CCDC7: variants seen among roughly 807,000 people sequenced by gnomAD.
The protein encoded by CCDC7 is coiled-coil domain containing 7, also known as coiled-coil domain-containing protein 7.
Under a neutral mutation model 196.9 loss-of-function variants are expected in CCDC7, and 183 were observed. That is an observed-to-expected ratio of 0.93 (90% confidence interval 0.82 to 1.05). The LOEUF (loss-of-function observed/expected upper bound fraction) is 1.05. CCDC7 is among the 50% of genes least tolerant of loss of function. CCDC7 has a pLI of 0.00. For missense variants in CCDC7, 1,540 were observed against 1,482.2 expected (o/e 1.04, Z -0.64); for synonymous variants, 525 against 484.6 (o/e 1.08, Z -1.10).
intron 29 of CCDC7, among the ~76,000 whole-genome samples, chr10:32,802,169 C>T (rs1331964194): frequency 6.6e-6 from 1 of 152,164 alleles, no homozygotes; most frequent in Non-Finnish European, 1.5e-5. Context: ...GCTTCTAGAG[C>T]CGGGAGATAG....
chr10:32,739,124 G>T (rs1468963524), intron 28 of CCDC7, among the ~76,000 whole-genome samples: 1 of 151,808 alleles, frequency 6.6e-6, no homozygotes, highest in Non-Finnish European at 1.5e-5. Context: ...AGACATTTTT[G>T]CTATTGACCA....
chr10:32,592,735 C>T (rs1210758979), intron 18 of CCDC7, among the ~76,000 whole-genome samples: 1 of 152,066 alleles, frequency 6.6e-6, no homozygotes, highest in African/African-American at 2.4e-5. Context: ...GTGTGTGATG[C>T]TCCCCACCCT....
At chr10:32,612,175 G>A (rs938679613) in intron 18 of CCDC7, among the ~76,000 whole-genome samples, 12 of 152,080 alleles carry the variant, frequency 7.9e-5, no homozygotes, top group African/African-American at 2.4e-4. Context: ...TATTCTCTTT[G>A]TAGCAATTGT....
chr10:32,793,024 C>A (rs183807639), intron 29 of CCDC7, among the ~76,000 whole-genome samples: 3 of 152,256 alleles, frequency 2.0e-5, no homozygotes, highest in East Asian at 3.9e-4. Flanking sequence ...GGAATAAATT[C>A]TTCAATCCAG....
At chr10:32,685,609 A>G (rs1565132940) in intron 21 of CCDC7, among the ~76,000 whole-genome samples, 1 of 152,198 alleles carries the variant, frequency 6.6e-6, no homozygotes, top group East Asian at 1.9e-4. Flanking sequence ...TTGAACATTT[A>G]TGTGGTTTTG....
chr10:32,561,041 C>G (rs1235265119), intron 13 of CCDC7, among the ~76,000 whole-genome samples: 1 of 20,056 alleles, frequency 5.0e-5, no homozygotes, highest in Non-Finnish European at 3.7e-3. Flanking sequence ...ATAAAACAGA[C>G]TTTAAACCAC....
At chr10:32,607,171 C>G (rs191024018) in intron 18 of CCDC7, among the ~76,000 whole-genome samples, 2 of 152,258 alleles carry the variant, frequency 1.3e-5, no homozygotes, top group Non-Finnish European at 2.9e-5. Flanking sequence ...ACTGGCTCCC[C>G]CTTTGCCCTC....
chr10:32,586,806 T>A (rs1305496534), intron 18 of CCDC7, among the ~76,000 whole-genome samples: 1 of 152,108 alleles, frequency 6.6e-6, no homozygotes, highest in Non-Finnish European at 1.5e-5. Context: ...AGTCAGGTAG[T>A]GTGATGCCTC....
intron 20 of CCDC7, among the ~76,000 whole-genome samples, chr10:32,662,078 A>G (rs909438990): frequency 2.6e-5 from 4 of 152,084 alleles, no homozygotes; most frequent in African/African-American, 9.7e-5. Flanking sequence ...GCCTCTCTCC[A>G]TAGGTGGGCA....
At chr10:32,689,114 A>G (rs201369842) in exon 23 of CCDC7, 2 of 1,608,510 alleles carry the variant, frequency 1.2e-6, no homozygotes, top group East Asian at 4.5e-5. Context: ...TGTCAAAATC[A>G]GAAATGCAAG....
intron 13 of CCDC7, among the ~76,000 whole-genome samples, chr10:32,561,206 C>T (rs536823723): frequency 6.6e-6 from 1 of 152,134 alleles, no homozygotes; most frequent in Non-Finnish European, 1.5e-5. Flanking sequence ...GACTCCCACA[C>T]AATAGTAATG....
chr10:32,746,444 C>T (rs75035804), intron 28 of CCDC7, among the ~76,000 whole-genome samples: 4,272 of 152,164 alleles, frequency 0.028, 218 homozygotes, highest in African/African-American at 0.097. Context: ...GAGGGTTTGG[C>T]GCTGCAATGA....
At chr10:32,751,794 T>G (rs760885792) in intron 28 of CCDC7, among the ~76,000 whole-genome samples, 21 of 152,234 alleles carry the variant, frequency 1.4e-4, no homozygotes, top group Non-Finnish European at 2.5e-4. Context: ...TTATGACACA[T>G]CAGTTGCATA....
At chr10:32,811,232 A>T (rs968401799) in intron 30 of CCDC7, among the ~76,000 whole-genome samples, 2 of 152,090 alleles carry the variant, frequency 1.3e-5, no homozygotes, top group African/African-American at 4.8e-5. Context: ...GTGTTTTAAA[A>T]AGATGAAATT....
chr10:32,864,845 G>A (rs187991903), intron 41 of CCDC7, among the ~76,000 whole-genome samples: 2 of 151,948 alleles, frequency 1.3e-5, no homozygotes, highest in African/African-American at 2.4e-5. Context: ...TATCAAAAGA[G>A]AAGTAAAGAA....
chr10:32,698,430 A>G (rs1329134217), intron 24 of CCDC7, among the ~76,000 whole-genome samples: 1 of 152,200 alleles, frequency 6.6e-6, no homozygotes, highest in Non-Finnish European at 1.5e-5. Flanking sequence ...GCTCGAACCC[A>G]TTGCAAGGAA....
intron 11 of CCDC7, among the ~76,000 whole-genome samples, chr10:32,538,557 G>A (rs1021726124): frequency 2.6e-5 from 4 of 152,166 alleles, no homozygotes; most frequent in Non-Finnish European, 4.4e-5. Context: ...TCTTTGTCTT[G>A]TGCTGGTTTT....
At position 32,728,998 on chromosome 10, in the gene CCDC7, G is replaced by GTA; in HGVS notation, c.2779+2_2779+3insAT. On this transcript the variant is annotated splice_donor_variant, in intron 27 of 41. Coordinates refer to ENST00000639629, the Ensembl canonical transcript of CCDC7. LOFTEE classifies it high-confidence loss of function. ...AATTCTGGAGTGGAAAGACACAAGA[G>GTA]TGAGTATAATAATTATCGATAACTT... 1 of 1,550,480 alleles carries GTA rather than the reference G, an allele frequency of 6.4e-7. No homozygotes were observed. The highest frequency in any genetic ancestry group is 8.9e-7 in the Non-Finnish European group (1 of 1,125,776).
chr10:32,801,333 A>G (rs749558610), intron 29 of CCDC7, among the ~76,000 whole-genome samples: 4 of 152,174 alleles, frequency 2.6e-5, no homozygotes, highest in Non-Finnish European at 4.4e-5. Flanking sequence ...GAGATCAGGC[A>G]TTTCCAGCTC....
Sources: allele counts gnomAD v4.1 joint callset (sites outside exome capture counted in the v4.1 genomes callset), GRCh38; gene constraint gnomAD v4.1.1; transcripts MANE v1.5; gene names NCBI Gene and HGNC (gene_info 2026-07-23, HGNC 2026-07-21).